LSP1: variants seen among roughly 807,000 people sequenced by gnomAD.
LSP1 encodes lymphocyte specific protein 1.
In LSP1, 32 loss-of-function variants were observed where a neutral mutation model predicts 49.3. The ratio of observed to expected loss-of-function variants is 0.65; its 90% confidence interval spans 0.49 to 0.87. LSP1 has a LOEUF of 0.87. LSP1 is among the 40% of genes least tolerant of loss of function. LSP1 has a pLI of 0.00. For synonymous variants in LSP1, 179 were observed against 178.8 expected, an observed-to-expected ratio of 1.00 and a Z score of -0.01; for missense variants, 428 against 442.6, an observed-to-expected ratio of 0.97 and a Z score of 0.30.
intron 10 of LSP1, among the ~76,000 whole-genome samples, chr11:1,887,799 C>T (rs866735638): frequency 5.9e-5 from 9 of 152,268 alleles, no homozygotes; most frequent in Non-Finnish European, 1.2e-4. Flanking sequence ...AGAGTCAGCC[C>T]GGCTCAGCCA....
intron 1 of LSP1, among the ~76,000 whole-genome samples, chr11:1,854,149 G>A (rs1443750606): frequency 6.6e-6 from 1 of 152,046 alleles, no homozygotes; most frequent in Non-Finnish European, 1.5e-5. Context: ...AATGGTCAGG[G>A]GATGGGGATC....
intron 1 of LSP1, chr11:1,859,446 T>C (rs1212504139): frequency 6.5e-6 from 1 of 153,996 alleles, no homozygotes; most frequent in African/African-American, 2.4e-5. Context: ...CAAAAGTGCC[T>C]GTGCTCCTCC....
intron 1 of LSP1, among the ~76,000 whole-genome samples, chr11:1,853,574 G>A (rs549897334): frequency 6.6e-6 from 1 of 152,294 alleles, no homozygotes; most frequent in Admixed American, 6.5e-5. Flanking sequence ...GGTGGGGGCT[G>A]GGGAGCAGCT....
chr11:1,881,006 G>T, intron 2 of LSP1: 1 of 160,276 alleles, frequency 6.2e-6, no homozygotes, highest in Non-Finnish European at 1.4e-5. Context: ...GATGGGGGAG[G>T]CACAGCCCTG....
chr11:1,879,939 A>T, intron 1 of LSP1, 148 bp from the exon 2 acceptor site: 1 of 867,096 alleles, frequency 1.2e-6, no homozygotes, highest in Non-Finnish European at 1.7e-6. Flanking sequence ...GGACAAGGTG[A>T]GGCCTGAGGG....
At chr11:1,867,661 C>A (rs1340139986) in intron 1 of LSP1, among the ~76,000 whole-genome samples, 1 of 152,302 alleles carries the variant, frequency 6.6e-6, no homozygotes, top group Non-Finnish European at 1.5e-5. Flanking sequence ...ATGTCAGGTG[C>A]AGGGCTGGGA....
intron 1 of LSP1, among the ~76,000 whole-genome samples, chr11:1,872,436 G>GTC (rs1554973896): frequency 1.5e-5 from 2 of 134,680 alleles, no homozygotes; most frequent in South Asian, 2.5e-4. Context: ...AGTCATCCTG[G>GTC]TGCGTGCTGG....
intron 1 of LSP1, chr11:1,869,210 C>A: frequency 4.6e-6 from 1 of 216,176 alleles, no homozygotes; most frequent in Admixed American, 5.3e-5. Flanking sequence ...GGTATTGGTG[C>A]GAGCTGAGGT....
At chr11:1,883,239 G>A (rs900445265) in intron 3 of LSP1, among the ~76,000 whole-genome samples, 180 bp from the exon 4 acceptor site, 7 of 152,270 alleles carry the variant, frequency 4.6e-5, no homozygotes, top group Non-Finnish European at 8.8e-5. Context: ...AGCAGACTGC[G>A]CTGGCTCTGA....
intron 1 of LSP1, chr11:1,866,435 C>T: frequency 6.9e-7 from 1 of 1,450,766 alleles, no homozygotes; most frequent in Non-Finnish European, 9.1e-7. Context: ...CACCCCTCCT[C>T]CCCAGCTCCC....
chr11:1,866,692 C>G (rs1847801884), intron 1 of LSP1: 5 of 1,550,574 alleles, frequency 3.2e-6, no homozygotes, highest in African/African-American at 2.7e-5. Context: ...GGGGACGCTG[C>G]TGTCCACCAG....
intron 4 of LSP1, 71 bp downstream of exon 4, chr11:1,883,631 C>T: frequency 6.6e-7 from 1 of 1,524,784 alleles, no homozygotes; most frequent in Non-Finnish European, 8.9e-7. Context: ...GCTGTCTGCA[C>T]CACTCTGTGG....
intron 7 of LSP1, among the ~76,000 whole-genome samples, chr11:1,886,022 C>T (rs925386253): frequency 6.6e-6 from 1 of 152,024 alleles, no homozygotes; most frequent in African/African-American, 2.4e-5. Context: ...ACCAGTACTC[C>T]TCCGTCCTAT....
rs748278652 is a variant in LSP1, at chr11:1,884,673, G to A, written c.717+92G>A. ...AACGCCCTTCCATCCAATCAGTGCC[G>A]CCTTATTCAACCAACACCCTATCCA... On this transcript the variant is annotated intron_variant, in intron 7 of 10. Transcript: ENST00000311604. This position sits in a 1 kb window ranked among gnomAD's most constrained non-coding sequence, Gnocchi z 4.1. 2.3e-5 allele frequency: 25 copies of A among 1,098,552 alleles called. No individual in the cohort carries two copies. The highest frequency in any genetic ancestry group is 6.8e-5 in the South Asian group (5 of 73,690). 68.1% of individuals were successfully genotyped at this position (1,098,552 alleles called of 1,614,324 possible).
In LSP1 at chr11:1,884,549, C is replaced by G. The variant is rs1803928; in HGVS notation, c.685C>G (p.Gln229Glu). The G allele has an allele frequency of 4.3e-6, 7 of 1,613,840 alleles. No homozygotes were observed. In the African/African-American group the frequency reaches 6.7e-5, roughly 15 times the overall value. The change falls in exon 7 of 11, where the codon CAG (glutamine) becomes GAG (glutamate). Residue 229 changes from glutamine (Q) to glutamate (E), a missense_variant. Gln to Glu is a conservative substitution (Grantham distance 29). Transcript: ENST00000311604. This position sits in a 1 kb window ranked among gnomAD's most constrained non-coding sequence, Gnocchi z 4.1. ...QPDLPISKID[Q>E]WLEQYTQAIE... ...AGACTTGCCCATCTCCAAGATTGAT[C>G]AGTGGCTGGAACAATACACCCAGGC...
In LSP1 at chr11:1,886,686, G is replaced by A. The variant is rs781193098; in HGVS notation, c.718-46G>A. Reference sequence around the variant, plus strand: ...CAGTGTGACCCTCTGATGTGACCACGGTGGCTGTCCACTAAGGTAATCCTG... The same window carrying A: ...CAGTGTGACCCTCTGATGTGACCACAGTGGCTGTCCACTAAGGTAATCCTG... On this transcript the variant is annotated intron_variant, in intron 7 of 10. Transcript: ENST00000311604. 57 of 1,562,420 alleles carry A rather than the reference G, an allele frequency of 3.6e-5. No homozygotes were observed. In the Admixed American group the frequency reaches 4.6e-4, roughly 12 times the overall value.
intron 1 of LSP1, among the ~76,000 whole-genome samples, chr11:1,858,273 G>A (rs1007773888): frequency 2.6e-5 from 4 of 152,136 alleles, no homozygotes; most frequent in Non-Finnish European, 4.4e-5. Context: ...GAGGGAGCTG[G>A]GCTGGGCTGC....
At chr11:1,891,097 T>G in intron 10 of LSP1, 1 of 157,072 alleles carries the variant, frequency 6.4e-6, no homozygotes. Context: ...GAGCCAGCGG[T>G]GAGGGGTGGC....
intron 1 of LSP1, among the ~76,000 whole-genome samples, chr11:1,856,120 T>A (rs1284264411): frequency 6.6e-6 from 1 of 151,998 alleles, no homozygotes; most frequent in Middle Eastern, 3.2e-3. Context: ...AGAAGGCAAG[T>A]CTGCCTGCCG....
Sources: allele counts gnomAD v4.1 joint callset (sites outside exome capture counted in the v4.1 genomes callset), GRCh38; gene constraint gnomAD v4.1.1; non-coding constraint Gnocchi (gnomAD v3.1); transcripts MANE v1.5; gene names NCBI Gene and HGNC (gene_info 2026-07-23, HGNC 2026-07-21).